Variants in GPR137C observed in about 807,000 individuals in gnomAD.
GPR137C encodes integral membrane protein GPR137C.
A neutral mutation model predicts 43.4 loss-of-function variants in GPR137C; 27 were observed. That is an observed-to-expected ratio of 0.62 (90% CI 0.46 to 0.86). GPR137C has a LOEUF of 0.86. GPR137C is among the 40% of genes least tolerant of loss of function. The pLI, the probability that GPR137C is intolerant of heterozygous loss-of-function variation, is 0.00. For missense variants in GPR137C, 522 were observed against 534.6 expected, an observed-to-expected ratio of 0.98 and a Z score of 0.23; for synonymous variants, 285 against 226.9, an observed-to-expected ratio of 1.26 and a Z score of -2.30.
At chr14:52,600,036 A>G in intron 2 of GPR137C, 77 bp from the exon 3 acceptor site, 1 of 922,486 alleles carries the variant, frequency 1.1e-6, no homozygotes, top group Non-Finnish European at 1.7e-6. Context: ...CTTGTACCTA[A>G]CATAACACAC....
In GPR137C at chr14:52,622,345, A is replaced by G. The variant is rs2039170549; in HGVS notation, c.718-9815A>G. On this transcript the variant is annotated intron_variant, in intron 3 of 6. Transcript: ENST00000321662. ...GTAACATCGCGCATTAATCATTTGG[A>G]AAAGAATGGTCCTAGATCTTCAAAA... Among the ~76,000 whole-genome samples the G allele has an allele frequency of 2.0e-5, 3 of 152,074 alleles. No individual in the cohort carries two copies. The South Asian group carries it at 6.2e-4, about 31-fold the overall frequency.
chr14:52,631,395 T>C (rs1393164566), intron 3 of GPR137C, among the ~76,000 whole-genome samples: 1 of 152,140 alleles, frequency 6.6e-6, no homozygotes, highest in East Asian at 1.9e-4. Context: ...TTCTGTGCAA[T>C]GGAACTCTTT....
chr14:52,613,321 C>T (rs912835760), intron 3 of GPR137C: 4 of 151,832 alleles, frequency 2.6e-5, no homozygotes, highest in Admixed American at 2.6e-4. Flanking sequence ...AATGCAATAT[C>T]CATCCCCTCA....
Position 52,633,845 on chromosome 14 carries a change from A to G in GPR137C, c.1011A>G (p.Ile337Met). 2 of 1,611,530 alleles carry G rather than the reference A, an allele frequency of 1.2e-6. No homozygotes were observed. The highest frequency in any genetic ancestry group is 1.7e-6 in the Non-Finnish European group (2 of 1,177,878). The change falls in exon 6 of 7, where the codon ATA becomes ATG. Residue 337 changes from isoleucine to methionine, a missense_variant. Around this residue, in one of 3 missense-constraint regions of GPR137C, gnomAD observed 437 missense variants for 425.7 expected, o/e 1.03. Coordinates refer to ENST00000321662, the MANE Select transcript of GPR137C (RefSeq NM_001099652.2). ...GTTCACAGGCACCTGCTGGCATGATAAATAGTCACAGTTATAGTTCCAGAG... is the reference window on the plus strand; with the variant it reads ...GTTCACAGGCACCTGCTGGCATGATGAATAGTCACAGTTATAGTTCCAGAG... The part of the protein sequence containing the change: ...LNQNLAPAGM[I>M]NSHSYSSRAY...
intron 1 of GPR137C, among the ~76,000 whole-genome samples, chr14:52,564,325 T>G (rs1035090921): frequency 1.1e-4 from 17 of 150,878 alleles, no homozygotes; most frequent in African/African-American, 3.7e-4. Flanking sequence ...TTGGATCTAG[T>G]TACTCATTAG....
intron 3 of GPR137C, chr14:52,612,586 C>T: frequency 1.2e-6 from 1 of 857,270 alleles, no homozygotes; most frequent in South Asian, 5.3e-5. Context: ...GATAGAGACA[C>T]ATTCTCACTG....
At chr14:52,573,836 C>G (rs1391237349) in intron 1 of GPR137C, among the ~76,000 whole-genome samples, 1 of 152,034 alleles carries the variant, frequency 6.6e-6, no homozygotes, top group Non-Finnish European at 1.5e-5. Context: ...TGACAAAGGG[C>G]TAATATCCAG....
rs144584385 is a variant in GPR137C at position 52,571,079 on chromosome 14, G to A, written c.444+17488G>A. 3.2e-3 allele frequency among the ~76,000 whole-genome samples: 487 copies of A among 152,132 alleles called. 4 individuals carry two copies. Among genetic ancestry groups the A allele is most frequent in the African/African-American group, 0.011 (475 of 41,502 alleles). On this transcript the variant is annotated intron_variant, in intron 1 of 6. Transcript: ENST00000321662. ...TCACACTTATTCTAAAATTGACCAC[G>A]TAATTGGAAGTAAAACATTCCTCAG...
intron 6 of GPR137C, among the ~76,000 whole-genome samples, chr14:52,634,415 G>A (rs1423659471): frequency 3.3e-5 from 5 of 152,000 alleles, no homozygotes; most frequent in Non-Finnish European, 7.4e-5. Context: ...CTGTGATTCG[G>A]GCAAAGAGGA....
At chr14:52,612,781 C>G (rs932650595) in intron 3 of GPR137C, 2 of 150,206 alleles carry the variant, frequency 1.3e-5, no homozygotes, top group Non-Finnish European at 2.9e-5. Flanking sequence ...GCCCAGGCTG[C>G]TCTCAAACTC....
intron 1 of GPR137C, among the ~76,000 whole-genome samples, chr14:52,569,590 A>G (rs1022316120): frequency 6.6e-6 from 1 of 151,978 alleles, no homozygotes; most frequent in Non-Finnish European, 1.5e-5. Context: ...AGTTTAGAGA[A>G]GAACATAAAT....
In GPR137C at chr14:52,632,192, C is replaced by T; in HGVS notation, c.750C>T (p.Gly250=). ...GMSLCQTVVV[G]SVVILLYSSR... is the part of the protein sequence containing the mutation. The stretch of plus-strand genomic sequence containing the variant: ...CTCTGTGCCAGACTGTCGTCGTGGG[C>T]TCTGTAGTCATTCTTCTGTACTCTT... The change falls in exon 4 of 7, where the codon GGC becomes GGT. Residue 250 remains glycine (G), a synonymous_variant. Coordinates refer to ENST00000321662, the MANE Select transcript of GPR137C (RefSeq NM_001099652.2). 1 of 1,606,334 alleles carries T rather than the reference C, an allele frequency of 6.2e-7. No homozygotes were observed. The highest frequency in any genetic ancestry group is 8.5e-7 in the Non-Finnish European group (1 of 1,173,134).
At chr14:52,564,454 C>T (rs921841314) in intron 1 of GPR137C, among the ~76,000 whole-genome samples, 1 of 152,058 alleles carries the variant, frequency 6.6e-6, no homozygotes, top group South Asian at 2.1e-4. Context: ...CCTCTACTTG[C>T]CATATTCCTT....
intron 1 of GPR137C, among the ~76,000 whole-genome samples, chr14:52,574,181 C>G (rs754009155): frequency 7.9e-5 from 12 of 151,960 alleles, no homozygotes; most frequent in African/African-American, 2.4e-4. Context: ...AGGATCTAGA[C>G]CAGTAATACC....
chr14:52,573,027 G>A (rs1393214603), intron 1 of GPR137C, among the ~76,000 whole-genome samples: 1 of 152,142 alleles, frequency 6.6e-6, no homozygotes, highest in South Asian at 2.1e-4. Context: ...GGATGTGAAG[G>A]ACCTCTTCAA....
At chr14:52,628,912 C>T (rs1033801545) in intron 3 of GPR137C, among the ~76,000 whole-genome samples, 9 of 152,148 alleles carry the variant, frequency 5.9e-5, no homozygotes, top group Non-Finnish European at 1.5e-5. Flanking sequence ...TGATTGTCAG[C>T]ATATATAAAG....
At chr14:52,583,146 G>C (rs981552927) in intron 1 of GPR137C, among the ~76,000 whole-genome samples, 5 of 151,870 alleles carry the variant, frequency 3.3e-5, no homozygotes, top group Non-Finnish European at 5.9e-5. Flanking sequence ...ATTGACATCA[G>C]TAAGTCATTT....
chr14:52,598,247 T>A (rs998717156), intron 1 of GPR137C, 25 bp from the exon 2 acceptor site: 23 of 869,928 alleles, frequency 2.6e-5, no homozygotes, highest in South Asian at 4.6e-5. Context: ...GTTTTCAAAA[T>A]TTTTTTTTTA....
Position 52,625,806 on chromosome 14 carries a change from G to A in GPR137C, c.718-6354G>A, listed in dbSNP as rs142563605. ...CCTGATCTTGTGATCCACCTACCTC[G>A]GCCTCCCAAAGTGCTGGAATTACAG... On this transcript the variant is annotated intron_variant, in intron 3 of 6. Coordinates refer to ENST00000321662, the MANE Select transcript of GPR137C (RefSeq NM_001099652.2). 1.6e-3 allele frequency among the ~76,000 whole-genome samples: 241 copies of A among 151,620 alleles called. 2 individuals are homozygous for A. The East Asian group carries it at 0.044, about 28-fold the overall frequency.
Sources: gnomAD v4.1 joint callset for allele counts (sites outside exome capture counted in the v4.1 genomes callset) on GRCh38, gnomAD v4.1.1 for gene constraint, gnomAD v4.1.1 regional missense constraint, MANE v1.5 for transcripts, NCBI Gene and HGNC (gene_info 2026-07-23, HGNC 2026-07-21) for gene names.